The following DPP10 variants were observed in gnomAD, a reference collection of about 807,000 sequenced individuals.
DPP10 encodes dipeptidyl peptidase like 10.
A neutral mutation model predicts 120.9 loss-of-function variants in DPP10; 33 were observed. The observed-to-expected ratio is 0.27, with a 90% confidence interval of 0.21 to 0.37. The LOEUF is 0.37. Ranked by LOEUF, DPP10 falls within the 10% of genes least tolerant of loss-of-function variation. DPP10 has a pLI of 1.00. For synonymous variants in DPP10, 337 were observed against 326.1 expected (o/e 1.03, Z -0.36); for missense variants, 816 against 942.8 (o/e 0.87, Z 1.76).
At chr2:114,897,132 G>T (rs545320977) in intron 1 of DPP10, among the ~76,000 whole-genome samples, 3 of 152,242 alleles carry the variant, frequency 2.0e-5, no homozygotes, top group Middle Eastern at 3.4e-3. Flanking sequence ...GCTGAATTCG[G>T]TTTGCCAGTA....
At chr2:114,741,428 G>A (rs1264208292) in intron 1 of DPP10, among the ~76,000 whole-genome samples, 1 of 152,158 alleles carries the variant, frequency 6.6e-6, no homozygotes, top group African/African-American at 2.4e-5. Flanking sequence ...GGTGTTGGGA[G>A]TAGGTGCTCT....
intron 2 of DPP10, among the ~76,000 whole-genome samples, chr2:115,339,275 A>G (rs1449388433): frequency 6.6e-6 from 1 of 152,178 alleles, no homozygotes; most frequent in African/African-American, 2.4e-5. Flanking sequence ...CACTACACGT[A>G]TATAAGAATA....
intron 1 of DPP10, among the ~76,000 whole-genome samples, chr2:114,876,934 AGTCTCTCTCTTGACTTGTC>A: frequency 3.9e-5 from 6 of 152,096 alleles, no homozygotes; most frequent in Admixed American, 3.9e-4. Context: ...TTTCCTCTGC[AGTCTCTCTCTTGACTTGTC>A]ATCAGGTTAA....
At chr2:115,225,320 T>C (rs2057377904) in intron 1 of DPP10, among the ~76,000 whole-genome samples, 1 of 152,050 alleles carries the variant, frequency 6.6e-6, no homozygotes, top group African/African-American at 2.4e-5. Context: ...TGGTACTCCA[T>C]AATGGACCTG....
chr2:115,603,565 T>TA (rs1553459804), intron 5 of DPP10, among the ~76,000 whole-genome samples: 2 of 96,492 alleles, frequency 2.1e-5, no homozygotes, highest in African/African-American at 1.4e-4. Context: ...TTGTTGTTTT[T>TA]TTTTGTTTTT....
chr2:115,726,377 G>A (rs1425016667), intron 7 of DPP10, among the ~76,000 whole-genome samples: 2 of 152,080 alleles, frequency 1.3e-5, no homozygotes, highest in Non-Finnish European at 2.9e-5. Context: ...ACCCCAATGT[G>A]CTATTTATTC....
At position 115,688,224 on chromosome 2, in the gene DPP10, T is replaced by C. The variant is rs1407830786; in HGVS notation, c.442-1463T>C. ...CTACAGCCCTATCACAAAGGCAATC[T>C]CAGATTTAATAGTTATTCCAAAAGG... On this transcript the variant is annotated intron_variant, in intron 5 of 25. Coordinates refer to ENST00000410059, the MANE Select transcript of DPP10 (RefSeq NM_020868.6). Among the ~76,000 whole-genome samples the C allele has an allele frequency of 2.6e-5, 4 of 152,108 alleles. No individual in the cohort carries two copies. In the East Asian group the frequency reaches 5.8e-4, roughly 22 times the overall value.
intron 11 of DPP10, among the ~76,000 whole-genome samples, chr2:115,756,768 A>G (rs1679455236): frequency 6.6e-6 from 1 of 152,106 alleles, no homozygotes; most frequent in Non-Finnish European, 1.5e-5. Context: ...TATAATGAAC[A>G]GAAACTTATT....
chr2:115,040,458 C>G (rs1704551691), intron 1 of DPP10, among the ~76,000 whole-genome samples: 1 of 151,968 alleles, frequency 6.6e-6, no homozygotes, highest in African/African-American at 2.4e-5. Flanking sequence ...ATAGAGTAAA[C>G]AGTCACAATT....
intron 3 of DPP10, among the ~76,000 whole-genome samples, chr2:115,375,332 G>C (rs1048579774): frequency 1.3e-5 from 2 of 152,132 alleles, no homozygotes; most frequent in Non-Finnish European, 2.9e-5. Flanking sequence ...CTAAAATATA[G>C]CAAGAGTGAC....
intron 3 of DPP10, among the ~76,000 whole-genome samples, chr2:115,451,449 C>G (rs942078547): frequency 9.2e-5 from 14 of 151,864 alleles, no homozygotes; most frequent in African/African-American, 3.4e-4. Context: ...AAATAAAACT[C>G]TTTGAAAGCA....
chr2:114,615,800 A>G (rs1457462443), intron 1 of DPP10, among the ~76,000 whole-genome samples: 1 of 152,190 alleles, frequency 6.6e-6, no homozygotes, highest in Non-Finnish European at 1.5e-5. Flanking sequence ...GCAAGATTCA[A>G]AAATGATTCT....
chr2:115,494,346 G>A (rs2076283536), intron 3 of DPP10, among the ~76,000 whole-genome samples: 3 of 152,154 alleles, frequency 2.0e-5, no homozygotes, highest in African/African-American at 7.2e-5. Context: ...TTGCGAAGGA[G>A]AAAGTTCATC....
chr2:114,667,219 T>C (rs1262363013), intron 1 of DPP10, among the ~76,000 whole-genome samples: 7 of 152,254 alleles, frequency 4.6e-5, no homozygotes, highest in Admixed American at 3.9e-4. Flanking sequence ...CCAGACATTG[T>C]GTTATTTGCT....
At chr2:114,764,064 A>T (rs993486865) in intron 1 of DPP10, among the ~76,000 whole-genome samples, 5 of 152,212 alleles carry the variant, frequency 3.3e-5, no homozygotes, top group African/African-American at 1.2e-4. Context: ...TGAGGATCAA[A>T]AGCTTGCTCT....
At chr2:115,356,096 G>A (rs1024320638) in intron 3 of DPP10, among the ~76,000 whole-genome samples, 4 of 150,552 alleles carry the variant, frequency 2.7e-5, no homozygotes, top group Admixed American at 2.6e-4. Flanking sequence ...TGTGAAGAAA[G>A]TCAATGGTAG....
chr2:114,960,537 C>T (rs12478149), intron 1 of DPP10, among the ~76,000 whole-genome samples: 34,711 of 151,730 alleles, frequency 0.23, 4,243 homozygotes, highest in Middle Eastern at 0.38. Context: ...CGTTCATTTC[C>T]GGTGCCTGGA....
At chr2:114,678,144 A>G (rs2105686842) in intron 1 of DPP10, among the ~76,000 whole-genome samples, 1 of 152,204 alleles carries the variant, frequency 6.6e-6, no homozygotes, top group East Asian at 1.9e-4. Context: ...ATGAGAGGAA[A>G]TATCTTTTTC....
At chr2:115,773,382 A>G (rs899244486) in intron 13 of DPP10, among the ~76,000 whole-genome samples, 3 of 152,132 alleles carry the variant, frequency 2.0e-5, no homozygotes, top group East Asian at 1.9e-4. Flanking sequence ...TAAAATCTCT[A>G]TGAATTGAAG....
Sources: allele counts gnomAD v4.1 joint callset (sites outside exome capture counted in the v4.1 genomes callset), GRCh38; gene constraint gnomAD v4.1.1; transcripts MANE v1.5; gene names NCBI Gene and HGNC (gene_info 2026-07-23, HGNC 2026-07-21).